The following SEMA3A variants were observed in gnomAD, a reference collection of about 807,000 sequenced individuals.
SEMA3A encodes semaphorin-3A.
SEMA3A carries 29 observed loss-of-function variants against 97.9 expected under a neutral mutation model. The ratio of observed to expected loss-of-function variants is 0.30; its 90% confidence interval spans 0.22 to 0.40. The LOEUF is 0.40. Ranked by LOEUF, SEMA3A falls within the 10% of genes least tolerant of loss-of-function variation. The probability of loss-of-function intolerance (pLI) is 1.00; values close to 1 mark genes in which losing one functional copy is unlikely to be tolerated. For missense variants in SEMA3A, 763 were observed against 951.3 expected (o/e 0.80, Z 2.60); for synonymous variants, 321 against 323.7 (o/e 0.99, Z 0.09).
chr7:84,197,867 G>A (rs1798271571), upstream of SEMA3A, among the ~76,000 whole-genome samples: 1 of 150,950 alleles, frequency 6.6e-6, no homozygotes, highest in Admixed American at 6.6e-5. Flanking sequence ...AGCCTCCCGA[G>A]TAGCTGGGAC....
intron 3 of SEMA3A, among the ~76,000 whole-genome samples, chr7:84,223,439 T>G (rs571209771): frequency 6.6e-6 from 1 of 151,928 alleles, no homozygotes; most frequent in South Asian, 2.1e-4. Context: ...ACTGACAAAG[T>G]TCAAATCTTA....
chr7:83,958,284 G>A lies in SEMA3A; in HGVS notation c.*3087C>T, dbSNP rs959691946. 6.6e-6 allele frequency: 1 copy of A among 152,508 alleles called. No homozygotes were observed. Among genetic ancestry groups the A allele is most frequent in the Non-Finnish European group, 1.5e-5 (1 of 67,914 alleles). The allele number at this position is 152,508 out of a possible 1,614,324, so 9.4% of individuals were successfully genotyped here. A position where few individuals can be genotyped will look rare whatever the true frequency, so the allele number is the denominator to read the frequency against. ...CTGACTCTGGTTCTCAACATTTTAT[G>A]AGCTTATGTTCCTTAACACCATATG... On this transcript the variant is annotated 3_prime_UTR_variant, in exon 17 of 17. Transcript: ENST00000265362.
chr7:84,375,329 A>T (rs147885534), intron 1 of SEMA3A, among the ~76,000 whole-genome samples: 196 of 152,008 alleles, frequency 1.3e-3, no homozygotes, highest in African/African-American at 4.4e-3. Context: ...CAGAAAAAGT[A>T]ATATTATTGA....
intron 4 of SEMA3A, among the ~76,000 whole-genome samples, chr7:84,099,910 A>G (rs138856243): frequency 2.0e-5 from 3 of 152,240 alleles, no homozygotes; most frequent in East Asian, 3.9e-4. Context: ...TTCAAAGTGA[A>G]TCATGGCAAT....
At chr7:84,289,394 T>C (rs1191522678) in intron 3 of SEMA3A, among the ~76,000 whole-genome samples, 1 of 152,106 alleles carries the variant, frequency 6.6e-6, no homozygotes, top group African/African-American at 2.4e-5. Context: ...AAAGAAATGA[T>C]AACTGTTTGA....
chr7:84,164,535 TAAC>T (rs1797141915), intron 1 of SEMA3A, among the ~76,000 whole-genome samples: 1 of 152,164 alleles, frequency 6.6e-6, no homozygotes, highest in East Asian at 1.9e-4. Flanking sequence ...AATACTCTGA[TAAC>T]AGCAACAACT....
At chr7:84,396,608 A>G (rs1009137871) in intron 1 of SEMA3A, among the ~76,000 whole-genome samples, 1 of 152,018 alleles carries the variant, frequency 6.6e-6, no homozygotes, top group African/African-American at 2.4e-5. Flanking sequence ...TTGAAAGAAA[A>G]TATTTGTTTT....
chr7:84,202,551 C>T (rs1798381853), intron 3 of SEMA3A, among the ~76,000 whole-genome samples: 1 of 152,164 alleles, frequency 6.6e-6, no homozygotes, highest in South Asian at 2.1e-4. Context: ...GGGCTGTTGA[C>T]ATGACTTGGT....
intron 1 of SEMA3A, among the ~76,000 whole-genome samples, chr7:84,425,036 A>G (rs1321617917): frequency 5.4e-4 from 55 of 102,456 alleles, no homozygotes; most frequent in African/African-American, 2.1e-3. Flanking sequence ...ATAATTATTT[A>G]TAATTATATA....
intron 1 of SEMA3A, among the ~76,000 whole-genome samples, chr7:84,150,904 G>A (rs1796634828): frequency 6.6e-6 from 1 of 151,074 alleles, no homozygotes; most frequent in Admixed American, 6.6e-5. Flanking sequence ...AGAACGGGCA[G>A]ACTGCCTCCT....
chr7:84,348,448 G>A (rs573892291), intron 2 of SEMA3A, among the ~76,000 whole-genome samples: 1 of 152,046 alleles, frequency 6.6e-6, no homozygotes, highest in East Asian at 1.9e-4. Context: ...TATTTCTGAA[G>A]GTATGTTCTA....
intron 3 of SEMA3A, among the ~76,000 whole-genome samples, chr7:84,128,053 T>C (rs1308568031): frequency 1.3e-5 from 2 of 152,182 alleles, no homozygotes; most frequent in Non-Finnish European, 1.5e-5. Context: ...GTGCAAATAC[T>C]GGGCTATTCC....
At chr7:84,426,196 C>G (rs1804821990) in intron 1 of SEMA3A, among the ~76,000 whole-genome samples, 1 of 151,640 alleles carries the variant, frequency 6.6e-6, no homozygotes, top group Non-Finnish European at 1.5e-5. Context: ...TCCATGTAAT[C>G]AAGAAACACT....
intron 1 of SEMA3A, among the ~76,000 whole-genome samples, chr7:84,456,445 G>C (rs921482307): frequency 2.0e-5 from 3 of 151,772 alleles, no homozygotes; most frequent in African/African-American, 7.2e-5. Context: ...TTAAGTAAGA[G>C]ATTTTAAAAG....
chr7:84,212,200 A>AT (rs1410343366), intron 3 of SEMA3A, among the ~76,000 whole-genome samples: 1 of 152,214 alleles, frequency 6.6e-6, no homozygotes, highest in African/African-American at 2.4e-5. Context: ...TAATTCTCTG[A>AT]TTTTGACTAA....
intron 3 of SEMA3A, among the ~76,000 whole-genome samples, chr7:84,237,197 C>A (rs1175780011): frequency 6.6e-6 from 1 of 151,854 alleles, no homozygotes; most frequent in Non-Finnish European, 1.5e-5. Flanking sequence ...TTAATTTATC[C>A]CAGAGTTAAG....
intron 14 of SEMA3A, among the ~76,000 whole-genome samples, chr7:83,980,695 CAT>C (rs1354806817): frequency 2.1e-5 from 3 of 145,434 alleles, no homozygotes; most frequent in African/African-American, 7.6e-5. Context: ...TACACATATA[CAT>C]ATATATTGCA....
intron 1 of SEMA3A, among the ~76,000 whole-genome samples, chr7:84,408,709 A>G (rs889318647): frequency 1.5e-3 from 173 of 114,134 alleles, no homozygotes; most frequent in African/African-American, 7.0e-3. Context: ...AATACTATGC[A>G]GCCATAAAAA....
chr7:84,033,952 A>G (rs1003542454), intron 6 of SEMA3A, among the ~76,000 whole-genome samples: 1 of 151,768 alleles, frequency 6.6e-6, no homozygotes, highest in Non-Finnish European at 1.5e-5. Context: ...ATGGCATGAT[A>G]GAATCCTTCA....
Sources: gnomAD v4.1 joint callset for allele counts (sites outside exome capture counted in the v4.1 genomes callset) on GRCh38, gnomAD v4.1.1 for gene constraint, MANE v1.5 for transcripts, NCBI Gene and HGNC (gene_info 2026-07-23, HGNC 2026-07-21) for gene names.